The following AGAP1 variants were observed in gnomAD, a reference collection of about 807,000 sequenced individuals.
The protein encoded by AGAP1 is ArfGAP with GTPase domain, ankyrin repeat and PH domain 1.
A neutral mutation model predicts 105.3 loss-of-function variants in AGAP1; 29 were observed. The ratio of observed to expected loss-of-function variants is 0.28; its 90% CI spans 0.21 to 0.38. AGAP1 has a LOEUF of 0.38. Among genes scored for constraint, AGAP1 ranks in the 10% least tolerant of loss-of-function variants. The pLI is 1.00. For missense variants in AGAP1, 998 were observed against 1,165.1 expected (o/e 0.86, Z 2.09); for synonymous variants, 509 against 485.9 (o/e 1.05, Z -0.63).
At chr2:235,932,068 T>C (rs914140062) in intron 12 of AGAP1, among the ~76,000 whole-genome samples, 4 of 152,350 alleles carry the variant, frequency 2.6e-5, no homozygotes, top group Admixed American at 2.6e-4. Flanking sequence ...GGAATCACGA[T>C]GATAACCCTG....
rs1352142794 is a variant in AGAP1, at chr2:236,049,121, C to T, written c.1954C>T (p.Arg652Trp). Residue 652 changes from arginine (R) to tryptophan (W), a missense_variant, in exon 16 of 18, where the codon CGG becomes TGG. Coordinates refer to ENST00000304032, the MANE Select transcript of AGAP1 (RefSeq NM_001037131.3). ...GTGCATCGAATGCTCAGGGATCCAC[C>T]GGAATCTTGGCACCCACCTTTCCCG... ...LMCIECSGIH[R>W]NLGTHLSRVR... The T allele has an allele frequency of 1.2e-6, 2 of 1,614,088 alleles. No individual in the cohort carries two copies.
intron 16 of AGAP1, among the ~76,000 whole-genome samples, chr2:236,098,477 C>T (rs748674557): frequency 6.6e-5 from 10 of 151,762 alleles, no homozygotes; most frequent in Non-Finnish European, 1.2e-4. Flanking sequence ...GGCAGAGACA[C>T]GAGAATCACT....
At chr2:236,117,086 A>C (rs1175612902) in intron 16 of AGAP1, among the ~76,000 whole-genome samples, 2 of 152,214 alleles carry the variant, frequency 1.3e-5, no homozygotes, top group African/African-American at 4.8e-5. Context: ...TCTTTTTCAA[A>C]TAATGACTTC....
intron 9 of AGAP1, among the ~76,000 whole-genome samples, chr2:235,826,361 G>T (rs1314459561): frequency 1.3e-5 from 2 of 152,364 alleles, no homozygotes; most frequent in East Asian, 3.9e-4. Context: ...GTAACCATCA[G>T]CTGCATAACC....
At chr2:235,759,455 C>G (rs576751133) in intron 6 of AGAP1, among the ~76,000 whole-genome samples, 2 of 152,188 alleles carry the variant, frequency 1.3e-5, no homozygotes, top group African/African-American at 4.8e-5. Context: ...AGGCGTGAGC[C>G]ACCGCGCCCG....
chr2:235,554,451 C>T (rs1943911507), intron 1 of AGAP1, among the ~76,000 whole-genome samples: 2 of 152,188 alleles, frequency 1.3e-5, no homozygotes, highest in Admixed American at 1.3e-4. Context: ...AAACGCCAGG[C>T]CATGCTGCTG....
chr2:235,854,299 C>G (rs1205516947), intron 9 of AGAP1, among the ~76,000 whole-genome samples: 3 of 152,214 alleles, frequency 2.0e-5, no homozygotes, highest in Non-Finnish European at 4.4e-5. Flanking sequence ...GAGTAGACCC[C>G]GCTCCTCCCC....
intron 1 of AGAP1, among the ~76,000 whole-genome samples, chr2:235,527,036 A>C (rs1431628127): frequency 6.6e-6 from 1 of 152,192 alleles, no homozygotes; most frequent in Non-Finnish European, 1.5e-5. Context: ...CTTCTGCAAA[A>C]CTGTATCAAG....
Position 235,905,935 on chromosome 2 carries a change from T to C in AGAP1, c.1156-2803T>C, listed in dbSNP as rs568869656. Among the ~76,000 whole-genome samples, 1 of 152,350 alleles carries C rather than the reference T, an allele frequency of 6.6e-6. No individual in the cohort carries two copies. The highest frequency in any genetic ancestry group is 2.1e-4 in the South Asian group (1 of 4,826). ...ACTTTCTTTCTGTCTTTGGTCTACA[T>C]CCTCTCAAAGTTGATTATGTTTTGT... On this transcript the variant is annotated intron_variant, in intron 10 of 17. Transcript: ENST00000304032. This position sits in a 1 kb window ranked among gnomAD's most constrained non-coding sequence, Gnocchi z 4.2.
At position 235,904,343 on chromosome 2, in the gene AGAP1, A is replaced by G. The variant is rs1231897366; in HGVS notation, c.1156-4395A>G. Among the ~76,000 whole-genome samples, 2 of 152,108 alleles carry G rather than the reference A, an allele frequency of 1.3e-5. No individual in the cohort carries two copies. Among genetic ancestry groups the G allele is most frequent in the Non-Finnish European group, 2.9e-5 (2 of 68,016 alleles). On this transcript the variant is annotated intron_variant, in intron 10 of 17. Coordinates refer to ENST00000304032, the MANE Select transcript of AGAP1 (RefSeq NM_001037131.3). The surrounding 1 kb of genome is among the most constrained non-coding windows in gnomAD (Gnocchi z 4.2). ...TCCCTTTGCTCTGGCGCCTGCTTGG[A>G]AAAAATAAGCCGCATGATGATCATG...
intron 15 of AGAP1, among the ~76,000 whole-genome samples, chr2:236,043,959 T>C (rs1156388767): frequency 6.6e-6 from 1 of 152,052 alleles, no homozygotes; most frequent in Non-Finnish European, 1.5e-5. Context: ...GGAATTGTGG[T>C]AACAGCTCCC....
Position 235,934,557 on chromosome 2 carries a change from A to G in AGAP1, c.1483+3634A>G, listed in dbSNP as rs961283725. ...TGTTTATGAATGGATTTCAAGACTC[A>G]GCCTTGGCATAAACATTCCCTGCAG... On this transcript the variant is annotated intron_variant, in intron 12 of 17. Coordinates refer to ENST00000304032, the MANE Select transcript of AGAP1 (RefSeq NM_001037131.3). The surrounding 1 kb of genome is among the most constrained non-coding windows in gnomAD (Gnocchi z 4.9). Among the ~76,000 whole-genome samples, 6 of 152,240 alleles carry G rather than the reference A, an allele frequency of 3.9e-5. No individual in the cohort carries two copies. Among genetic ancestry groups the G allele is most frequent in the African/African-American group, 1.4e-4 (6 of 41,468 alleles).
intron 1 of AGAP1, among the ~76,000 whole-genome samples, chr2:235,580,979 T>G (rs1944910872): frequency 1.3e-5 from 2 of 152,022 alleles, no homozygotes. Flanking sequence ...TTTGTGTATA[T>G]TATTGCACAC....
At chr2:235,941,145 A>G (rs1027745295) in intron 12 of AGAP1, among the ~76,000 whole-genome samples, 9 of 152,204 alleles carry the variant, frequency 5.9e-5, no homozygotes, top group Non-Finnish European at 7.3e-5. Context: ...GTCACAGTGT[A>G]TACAGTTTAT....
Position 236,053,974 on chromosome 2 carries a change from C to T in AGAP1, c.2114+4693C>T, listed in dbSNP as rs550136620. ...GTAAGTTCACCTCTGTGCCTAAACT[C>T]CCTTCTTGTCTTTAACCTATAAAAA... On this transcript the variant is annotated intron_variant, in intron 16 of 17. Coordinates refer to ENST00000304032, the MANE Select transcript of AGAP1 (RefSeq NM_001037131.3). The surrounding 1 kb of genome is among the most constrained non-coding windows in gnomAD (Gnocchi z 4.6). 2.0e-5 allele frequency among the ~76,000 whole-genome samples: 3 copies of T among 152,290 alleles called. No homozygotes were observed. The highest frequency in any genetic ancestry group is 4.8e-5 in the African/African-American group (2 of 41,564).
intron 1 of AGAP1, among the ~76,000 whole-genome samples, chr2:235,698,511 A>C (rs1950104777): frequency 6.6e-6 from 1 of 152,208 alleles, no homozygotes; most frequent in African/African-American, 2.4e-5. Flanking sequence ...CTTTTCATAA[A>C]ATATCCCTAT....
At chr2:235,928,094 G>GC (rs941344334) in intron 11 of AGAP1, among the ~76,000 whole-genome samples, 3 of 152,232 alleles carry the variant, frequency 2.0e-5, no homozygotes, top group South Asian at 2.1e-4. Context: ...CAAGGGAGGT[G>GC]CCCCCCCAAT....
intron 1 of AGAP1, among the ~76,000 whole-genome samples, chr2:235,685,588 G>A (rs1276551231): frequency 9.9e-5 from 15 of 151,994 alleles, no homozygotes; most frequent in African/African-American, 2.2e-4. Flanking sequence ...TACAGGGTGC[G>A]TCTGTCTGGA....
chr2:235,786,722 C>T (rs1297376189), intron 6 of AGAP1, among the ~76,000 whole-genome samples: 3 of 152,184 alleles, frequency 2.0e-5, no homozygotes, highest in Non-Finnish European at 4.4e-5. Context: ...GACAAGATCT[C>T]GTCTAGTTTC....
Sources: gnomAD v4.1 joint callset for allele counts (sites outside exome capture counted in the v4.1 genomes callset) on GRCh38, gnomAD v4.1.1 for gene constraint, Gnocchi (gnomAD v3.1) non-coding constraint, MANE v1.5 for transcripts, NCBI Gene and HGNC (gene_info 2026-07-23, HGNC 2026-07-21) for gene names.